Variants in ARHGEF12 observed in about 807,000 individuals in gnomAD.
ARHGEF12 encodes the protein KMT2A/ARHGEF12 fusion protein.
ARHGEF12 carries 66 observed loss-of-function variants against 211.2 expected under a neutral mutation model. The ratio of observed to expected loss-of-function variants is 0.31; its 90% CI spans 0.26 to 0.38. The LOEUF (loss-of-function observed/expected upper bound fraction) is 0.38, where lower values mean the gene tolerates loss of function less well. Ranked by LOEUF, ARHGEF12 falls within the 10% of genes least tolerant of loss-of-function variation. The pLI is 1.00. For synonymous variants in ARHGEF12, 592 were observed against 638.4 expected, an observed-to-expected ratio of 0.93 and a Z score of 1.09; for missense variants, 1,429 against 1,869.5, an observed-to-expected ratio of 0.76 and a Z score of 4.34.
intron 21 of ARHGEF12, 125 bp from the exon 22 acceptor site, chr11:120,451,387 C>T (rs777669345): frequency 1.3e-4 from 98 of 775,432 alleles, no homozygotes; most frequent in Non-Finnish European, 1.7e-4. Flanking sequence ...CCATATTAGC[C>T]AGGATGGTCT....
intron 36 of ARHGEF12, among the ~76,000 whole-genome samples, chr11:120,477,862 C>CAAAAAAAAAAAAA (rs528182938): frequency 2.9e-5 from 2 of 69,370 alleles, no homozygotes; most frequent in Non-Finnish European, 3.0e-5. Flanking sequence ...ACCGAAACAC[C>CAAAAAAAAAAAAA]AAAAAAAAAA....
At position 120,438,161 on chromosome 11, in the gene ARHGEF12, C is replaced by T. The variant is rs764229729; in HGVS notation, c.999+779C>T. ...ATTTACAGTTTTGTAGTAAAAGATA[C>T]AACAGCATTTTGTCATCTTTTTATT... is the stretch of plus-strand genomic sequence containing the variant. On this transcript the variant is annotated intron_variant, in intron 12 of 40. Coordinates refer to ENST00000397843, the MANE Select transcript of ARHGEF12 (RefSeq NM_015313.3). Among the ~76,000 whole-genome samples, 8 of 152,250 alleles carry T rather than the reference C, an allele frequency of 5.3e-5. No homozygotes were observed. The East Asian group carries it at 5.8e-4, about 11-fold the overall frequency.
chr11:120,362,858 T>C (rs1943314564), intron 1 of ARHGEF12, among the ~76,000 whole-genome samples: 1 of 152,096 alleles, frequency 6.6e-6, no homozygotes, highest in African/African-American at 2.4e-5. Context: ...CCCAGCAGTT[T>C]GGGAGGCCGA....
intron 29 of ARHGEF12, 58 bp downstream of exon 29, chr11:120,467,366 A>C: frequency 2.0e-6 from 2 of 998,494 alleles, no homozygotes; most frequent in Non-Finnish European, 3.1e-6. Flanking sequence ...AACACCCAAT[A>C]TCCTGTAAAT....
At chr11:120,477,883 G>GAAAAAAAAAAAAAAAAAAA (rs1428274429) in intron 36 of ARHGEF12, among the ~76,000 whole-genome samples, 1 of 138,982 alleles carries the variant, frequency 7.2e-6, no homozygotes, top group Non-Finnish European at 1.5e-5. Flanking sequence ...AAGAAAAAAA[G>GAAAAAAAAAAAAAAAAAAA]AAAAAAAAGA....
chr11:120,432,662 A>G (rs1267063277), intron 11 of ARHGEF12, among the ~76,000 whole-genome samples: 1 of 152,200 alleles, frequency 6.6e-6, no homozygotes, highest in Non-Finnish European at 1.5e-5. Context: ...TTAAAAAAAG[A>G]ATAGGAAATA....
Position 120,337,011 on chromosome 11 carries a change from A to G in ARHGEF12, c.-233A>G. On this transcript the variant is annotated 5_prime_UTR_variant, in exon 1 of 41. Coordinates refer to ENST00000397843, the MANE Select transcript of ARHGEF12 (RefSeq NM_015313.3). Reference sequence around the variant, plus strand: ...TTCTCTCTAGCTCGACTCACTCTGGACTGACTCGCTCCCTGGCTTTCTCAG... The same window carrying G: ...TTCTCTCTAGCTCGACTCACTCTGGGCTGACTCGCTCCCTGGCTTTCTCAG... 1.7e-6 allele frequency: 1 copy of G among 600,076 alleles called. No homozygotes were observed. The highest frequency in any genetic ancestry group is 3.0e-6 in the Non-Finnish European group (1 of 335,086). The allele number at this position is 600,076 out of a possible 1,614,324, so 37.2% of individuals were successfully genotyped here.
At chr11:120,343,879 A>G (rs1374155836) in intron 1 of ARHGEF12, among the ~76,000 whole-genome samples, 1 of 152,244 alleles carries the variant, frequency 6.6e-6, no homozygotes, top group Non-Finnish European at 1.5e-5. Flanking sequence ...CAAATATTAC[A>G]TATAAATGTT....
intron 15 of ARHGEF12, among the ~76,000 whole-genome samples, chr11:120,444,254 C>T (rs549244521): frequency 6.6e-6 from 1 of 152,186 alleles, no homozygotes; most frequent in Admixed American, 6.5e-5. Flanking sequence ...TATATTGAAG[C>T]ATGTTTGAAT....
chr11:120,433,575 T>A (rs927583315), intron 11 of ARHGEF12, among the ~76,000 whole-genome samples: 1 of 152,202 alleles, frequency 6.6e-6, no homozygotes, highest in South Asian at 2.1e-4. Context: ...TCAGAGCAAA[T>A]GATACGAATG....
intron 11 of ARHGEF12, among the ~76,000 whole-genome samples, chr11:120,433,864 A>C (rs894853148): frequency 1.3e-5 from 2 of 152,198 alleles, no homozygotes; most frequent in Non-Finnish European, 2.9e-5. Flanking sequence ...AGTCTGAGGC[A>C]GGAGAACTGC....
chr11:120,451,775 AAC>A (rs1342804769), intron 22 of ARHGEF12, 51 bp downstream of exon 22: 3 of 1,509,704 alleles, frequency 2.0e-6, no homozygotes, highest in Non-Finnish European at 2.7e-6. Context: ...TTTTAAAACA[AAC>A]ACACTAACTG....
At chr11:120,360,701 T>TA (rs748114192) in intron 1 of ARHGEF12, among the ~76,000 whole-genome samples, 18 of 152,318 alleles carry the variant, frequency 1.2e-4, no homozygotes, top group Non-Finnish European at 2.4e-4. Flanking sequence ...CCAGTAATAT[T>TA]ACTTTTTAAA....
At chr11:120,467,871 A>C (rs1259059399) in intron 29 of ARHGEF12, among the ~76,000 whole-genome samples, 1 of 152,168 alleles carries the variant, frequency 6.6e-6, no homozygotes, top group Non-Finnish European at 1.5e-5. Flanking sequence ...TTTGTAAATA[A>C]AGTTTTATTG....
rs572840138 is a variant in ARHGEF12 at position 120,487,293 on chromosome 11, C to CT, written c.*2217dup. The CT allele has an allele frequency of 1.2e-4, 26 of 219,544 alleles. No homozygotes were observed. Among genetic ancestry groups the CT allele is most frequent in the East Asian group, 1.1e-3 (17 of 14,806 alleles). The allele number at this position is 219,544 out of a possible 1,614,324, so 13.6% of individuals were successfully genotyped here. On this transcript the variant is annotated 3_prime_UTR_variant, in exon 41 of 41. Transcript: ENST00000397843. ...TGCAGTTCAATTTCTCCTTGGAACT[C>CT]TAACAGGACTAACTGGAAAAATACT...
intron 22 of ARHGEF12, among the ~76,000 whole-genome samples, chr11:120,452,221 A>C (rs1299811829): frequency 6.6e-6 from 1 of 152,206 alleles, no homozygotes; most frequent in East Asian, 1.9e-4. Flanking sequence ...GGGAGACAGT[A>C]TATAAGTAGT....
At chr11:120,360,641 C>T (rs1192791985) in intron 1 of ARHGEF12, among the ~76,000 whole-genome samples, 1 of 152,210 alleles carries the variant, frequency 6.6e-6, no homozygotes, top group Non-Finnish European at 1.5e-5. Flanking sequence ...GATCCGCCTA[C>T]CTCGGCTTCC....
chr11:120,465,101 T>C (rs556286102), intron 27 of ARHGEF12, 136 bp from the exon 28 acceptor site: 5 of 1,066,416 alleles, frequency 4.7e-6, no homozygotes, highest in Non-Finnish European at 6.9e-6. Context: ...GAACCATTGA[T>C]ATTCCACATA....
intron 1 of ARHGEF12, among the ~76,000 whole-genome samples, chr11:120,340,285 G>T (rs1199140707): frequency 6.6e-6 from 1 of 152,216 alleles, no homozygotes; most frequent in Non-Finnish European, 1.5e-5. Flanking sequence ...AGTAGACTCA[G>T]TAAATGATTT....
Sources: gnomAD v4.1 joint callset for allele counts (sites outside exome capture counted in the v4.1 genomes callset) on GRCh38, gnomAD v4.1.1 for gene constraint, MANE v1.5 for transcripts, NCBI Gene and HGNC (gene_info 2026-07-23, HGNC 2026-07-21) for gene names.